SNAPC3: variants seen among roughly 807,000 people sequenced by gnomAD.
SNAPC3 encodes snRNA-activating protein complex subunit 3.
SNAPC3 carries 56 observed loss-of-function variants against 47.7 expected under a neutral mutation model. The ratio of observed to expected loss-of-function variants is 1.18; its 90% CI spans 0.95 to 1.47. SNAPC3 has a LOEUF of 1.47. SNAPC3 is among the 40% of genes most tolerant of loss of function. The probability of loss-of-function intolerance (pLI) is 0.00; values close to 1 mark genes in which losing one functional copy is unlikely to be tolerated. For missense variants in SNAPC3, 665 were observed against 511.3 expected, an observed-to-expected ratio of 1.30 and a Z score of -2.90; for synonymous variants, 235 against 189.9, an observed-to-expected ratio of 1.24 and a Z score of -1.95.
intron 2 of SNAPC3, among the ~76,000 whole-genome samples, 194 bp downstream of exon 2, chr9:15,424,180 C>T (rs536002442): frequency 6.6e-6 from 1 of 152,144 alleles, no homozygotes; most frequent in African/African-American, 2.4e-5. Flanking sequence ...TTTTGCTATC[C>T]CCCATTCAGT....
At chr9:15,463,040 T>TATC (rs2035335617), downstream of SNAPC3, 2 of 152,062 alleles carry the variant, frequency 1.3e-5, no homozygotes, top group South Asian at 4.1e-4. Context: ...CAGCAAAATC[T>TATC]ATCATATTAT....
In SNAPC3 at chr9:15,447,311, T is replaced by C. The variant is rs908089403; in HGVS notation, c.732+67T>C. The C allele has an allele frequency of 5.1e-5, 73 of 1,425,042 alleles. No individual in the cohort carries two copies. The African/African-American group carries it at 9.0e-4, about 18-fold the overall frequency. 88.3% of individuals were successfully genotyped at this position (1,425,042 alleles called of 1,614,324 possible). Reference sequence around the variant, plus strand: ...CTAAGAAAATAGCGATTACTCTAGCTGGTTCATAAATGTCCCAGTAAATCC... The same window carrying C: ...CTAAGAAAATAGCGATTACTCTAGCCGGTTCATAAATGTCCCAGTAAATCC... On this transcript the variant is annotated intron_variant, in intron 5 of 8. Coordinates refer to ENST00000380821, the MANE Select transcript of SNAPC3 (RefSeq NM_001039697.2).
At chr9:15,443,472 G>A (rs577355872) in intron 3 of SNAPC3, among the ~76,000 whole-genome samples, 81 of 151,916 alleles carry the variant, frequency 5.3e-4, no homozygotes, top group Admixed American at 2.4e-3. Context: ...TTTTCCAAAC[G>A]ATTATTGTAG....
intron 6 of SNAPC3, among the ~76,000 whole-genome samples, chr9:15,451,879 A>C (rs1279970016): frequency 6.6e-6 from 1 of 152,058 alleles, no homozygotes; most frequent in Non-Finnish European, 1.5e-5. Flanking sequence ...TATAGGAAAA[A>C]TCTGTAAGCT....
chr9:15,459,623 T>A lies in SNAPC3; in HGVS notation c.1089-96T>A, dbSNP rs1255655399. The A allele has an allele frequency of 5.3e-6, 5 of 945,630 alleles. No individual in the cohort carries two copies. The South Asian group carries it at 8.2e-5, about 15-fold the overall frequency. 58.6% of individuals were successfully genotyped at this position (945,630 alleles called of 1,614,324 possible). ...CATTAATAACAGACTGATAAGGAAA[T>A]AGAATGTTATATTTACATATTGCTA... is the stretch of plus-strand genomic sequence containing the variant. On this transcript the variant is annotated intron_variant, in intron 8 of 8. Coordinates refer to ENST00000380821, the MANE Select transcript of SNAPC3 (RefSeq NM_001039697.2).
chr9:15,466,666 G>GTAAGA, downstream of SNAPC3: 1 of 1,076,970 alleles, frequency 9.3e-7, no homozygotes, highest in Non-Finnish European at 1.3e-6. Flanking sequence ...GCTTATTATA[G>GTAAGA]TAAGATAACC....
chr9:15,450,398 A>T (rs2034299847), intron 5 of SNAPC3, among the ~76,000 whole-genome samples: 1 of 152,214 alleles, frequency 6.6e-6, no homozygotes, highest in Non-Finnish European at 1.5e-5. Flanking sequence ...CGGTAAAATT[A>T]TTTTAGTACC....
At chr9:15,457,003 T>C (rs2131967618) in intron 7 of SNAPC3, among the ~76,000 whole-genome samples, 1 of 152,352 alleles carries the variant, frequency 6.6e-6, no homozygotes, top group South Asian at 2.1e-4. Flanking sequence ...TCCTTTCATC[T>C]TTCAGAAGAA....
intron 4 of SNAPC3, among the ~76,000 whole-genome samples, chr9:15,446,671 G>A (rs568955075): frequency 2.7e-4 from 41 of 152,278 alleles, no homozygotes; most frequent in Admixed American, 1.8e-3. Context: ...AGGGGAGAGG[G>A]GAAGGCATAG....
intron 3 of SNAPC3, 168 bp downstream of exon 3, chr9:15,433,804 A>C (rs757623970): frequency 2.5e-4 from 113 of 443,374 alleles, no homozygotes; most frequent in Non-Finnish European, 3.8e-4. Flanking sequence ...GAGGACCCTT[A>C]GAACTCAAGT....
intron 6 of SNAPC3, among the ~76,000 whole-genome samples, chr9:15,452,678 A>G (rs888034812): frequency 1.3e-5 from 2 of 152,258 alleles, no homozygotes; most frequent in Non-Finnish European, 2.9e-5. Flanking sequence ...TATGTGGGTT[A>G]TAACTATCAC....
intron 3 of SNAPC3, among the ~76,000 whole-genome samples, chr9:15,442,070 C>A (rs989319809): frequency 2.0e-5 from 3 of 151,694 alleles, no homozygotes; most frequent in Middle Eastern, 3.4e-3. Flanking sequence ...GGGCTGCCCC[C>A]CAACCTCCCT....
intron 2 of SNAPC3, among the ~76,000 whole-genome samples, chr9:15,429,287 G>A (rs558386081): frequency 2.6e-5 from 4 of 152,146 alleles, no homozygotes; most frequent in South Asian, 2.1e-4. Flanking sequence ...AAGAGTTTTC[G>A]ACATAACGAA....
chr9:15,449,434 T>C (rs1765535256), intron 5 of SNAPC3, among the ~76,000 whole-genome samples: 3 of 151,574 alleles, frequency 2.0e-5, no homozygotes, highest in African/African-American at 7.3e-5. Flanking sequence ...TTGCTGCTGA[T>C]AGCTTCGGAA....
At chr9:15,450,705 CTTAA>C (rs1231921689) in intron 5 of SNAPC3, among the ~76,000 whole-genome samples, 7 of 152,102 alleles carry the variant, frequency 4.6e-5, no homozygotes, top group Non-Finnish European at 1.0e-4. Context: ...CCCAAAGATT[CTTAA>C]TTAATGAGTC....
intron 5 of SNAPC3, among the ~76,000 whole-genome samples, chr9:15,449,561 A>ATT (rs1216051655): frequency 1.5e-3 from 66 of 43,284 alleles, no homozygotes; most frequent in East Asian, 0.012. Context: ...ATATATATAT[A>ATT]TATTTTTTTT....
downstream of SNAPC3, chr9:15,463,336 T>C (rs2035365569): frequency 6.7e-6 from 1 of 148,600 alleles, no homozygotes; most frequent in Non-Finnish European, 1.5e-5. Context: ...GCAATTCTCC[T>C]GCCTCAGCCT....
At chr9:15,441,134 G>T (rs1261059525) in intron 3 of SNAPC3, among the ~76,000 whole-genome samples, 1 of 150,262 alleles carries the variant, frequency 6.7e-6, no homozygotes, top group African/African-American at 2.4e-5. Context: ...CATAATGATT[G>T]TACAAATTTC....
intron 2 of SNAPC3, among the ~76,000 whole-genome samples, chr9:15,424,464 T>C (rs1266597631): frequency 6.6e-6 from 1 of 152,202 alleles, no homozygotes; most frequent in African/African-American, 2.4e-5. Context: ...TTTTTAAAAA[T>C]TTTTAATCTT....
Sources: allele counts gnomAD v4.1 joint callset (sites outside exome capture counted in the v4.1 genomes callset), GRCh38; gene constraint gnomAD v4.1.1; transcripts MANE v1.5; gene names NCBI Gene and HGNC (gene_info 2026-07-23, HGNC 2026-07-21).